The following TJP2 variants were observed in gnomAD, a reference collection of about 807,000 sequenced individuals.
The protein encoded by TJP2 is Friedreich ataxia region gene X104 (tight junction protein ZO-2).
In TJP2, 91 loss-of-function variants were observed where a neutral mutation model predicts 133.1. That is an observed-to-expected ratio of 0.68 (90% CI 0.58 to 0.81). The LOEUF (loss-of-function observed/expected upper bound fraction) is 0.81, where lower values mean the gene tolerates loss of function less well. TJP2 is among the 40% of genes least tolerant of loss of function. The pLI is 0.00. For missense variants in TJP2, 1,541 were observed against 1,565.6 expected, an observed-to-expected ratio of 0.98 and a Z score of 0.26; for synonymous variants, 592 against 583.4, an observed-to-expected ratio of 1.01 and a Z score of -0.21.
At chr9:69,226,311 G>A in intron 7 of TJP2, 136 bp downstream of exon 7, 1 of 994,552 alleles carries the variant, frequency 1.0e-6, no homozygotes, top group Non-Finnish European at 1.5e-6. Context: ...ATCTCCAAAG[G>A]TCACTGGTTG....
At chr9:69,238,940 C>T in intron 16 of TJP2, 151 bp downstream of exon 16, 3 of 730,810 alleles carry the variant, frequency 4.1e-6, no homozygotes, top group Middle Eastern at 7.3e-4. Flanking sequence ...GTAATCCCAA[C>T]ACTTTGAGAG....
intron 11 of TJP2, among the ~76,000 whole-genome samples, chr9:69,232,838 T>G (rs368519205): frequency 1.3e-5 from 2 of 152,240 alleles, no homozygotes; most frequent in East Asian, 3.8e-4. Context: ...TTTTAAAATA[T>G]AACTACCATG....
intron 1 of TJP2, among the ~76,000 whole-genome samples, chr9:69,190,250 C>G (rs1037929398): frequency 6.6e-6 from 1 of 152,196 alleles, no homozygotes; most frequent in African/African-American, 2.4e-5. Context: ...TTTTAGTTCT[C>G]TGTGTCCAAC....
At chr9:69,227,896 T>C in intron 8 of TJP2, 23 bp downstream of exon 8, 2 of 1,608,280 alleles carry the variant, frequency 1.2e-6, no homozygotes, top group Non-Finnish European at 8.5e-7. Context: ...GAATATTCTC[T>C]TGTACATGTC....
intron 1 of TJP2, among the ~76,000 whole-genome samples, chr9:69,179,445 AG>A (rs1450648947): frequency 3.3e-5 from 5 of 151,734 alleles, no homozygotes; most frequent in African/African-American, 1.2e-4. Context: ...GTTTTCCTAC[AG>A]TTACTGTATG....
intron 3 of TJP2, among the ~76,000 whole-genome samples, chr9:69,216,795 T>C (rs1828418756): frequency 6.6e-6 from 1 of 152,046 alleles, no homozygotes; most frequent in African/African-American, 2.4e-5. Flanking sequence ...ACCAACACTG[T>C]TTATGTTTGT....
intron 1 of TJP2, among the ~76,000 whole-genome samples, chr9:69,128,717 G>A (rs146126504): frequency 0.024 from 3,708 of 152,076 alleles, 161 homozygotes; most frequent in African/African-American, 0.084. Flanking sequence ...CAGTAGAGAC[G>A]GGGTTTCATC....
Position 69,174,640 on chromosome 9 carries a change from C to T in TJP2, c.60+208C>T, listed in dbSNP as rs546915220. On this transcript the variant is annotated intron_variant, in intron 1 of 22. Coordinates refer to ENST00000377245, the MANE Select transcript of TJP2 (RefSeq NM_004817.4). ...TCGTGGCCTCCGGGGCTCCTGGAACCTTTACTCTGAAGTCACTTGGGCTGG... is the reference window on the plus strand; with the variant it reads ...TCGTGGCCTCCGGGGCTCCTGGAACTTTTACTCTGAAGTCACTTGGGCTGG... Among the ~76,000 whole-genome samples, 3 of 152,304 alleles carry T rather than the reference C, an allele frequency of 2.0e-5. No individual in the cohort carries two copies. In the South Asian group the frequency reaches 6.2e-4, roughly 32 times the overall value.
chr9:69,232,962 C>T (rs896778615), intron 11 of TJP2, among the ~76,000 whole-genome samples: 1 of 152,176 alleles, frequency 6.6e-6, no homozygotes, highest in Non-Finnish European at 1.5e-5. Context: ...CCAAGGTCCT[C>T]CCACAGCCTT....
chr9:69,174,448 T>A lies in TJP2; in HGVS notation c.60+16T>A. 2 of 1,549,344 alleles carry A rather than the reference T, an allele frequency of 1.3e-6. No homozygotes were observed. The highest frequency in any genetic ancestry group is 1.7e-6 in the Non-Finnish European group (2 of 1,146,464). On this transcript the variant is annotated intron_variant, in intron 1 of 22. Coordinates refer to ENST00000377245, the MANE Select transcript of TJP2 (RefSeq NM_004817.4). ...TTGGCTCCGCGTAAGTGCCTCCTTG[T>A]GCCGCGCGGTTGGGAGGAGGGTCGT...
Position 69,228,206 on chromosome 9 carries a change from G to A in TJP2, c.1453+92G>A, listed in dbSNP as rs141609349. The A allele has an allele frequency of 1.1e-3, 1,589 of 1,462,360 alleles. 3 individuals are homozygous for A. The highest frequency in any genetic ancestry group is 1.3e-3 in the Non-Finnish European group (1,429 of 1,068,672). The allele number at this position is 1,462,360 out of a possible 1,614,324, so 90.6% of individuals were successfully genotyped here. On this transcript the variant is annotated intron_variant, in intron 9 of 22. Coordinates refer to ENST00000377245, the MANE Select transcript of TJP2 (RefSeq NM_004817.4). ...AAAGAGTGAAATCATGTCCTTTGCA[G>A]CCACGTGGATGCAGCTGGAGGCCAT...
chr9:69,228,184 G>A (rs1207159933), intron 9 of TJP2, 70 bp downstream of exon 9: 7 of 1,548,266 alleles, frequency 4.5e-6, no homozygotes, highest in African/African-American at 1.4e-5. Flanking sequence ...CCATAACAAA[G>A]AGTGAAATCA....
chr9:69,253,042 A>G (rs1035138316), intron 22 of TJP2, 142 bp downstream of exon 22: 3 of 722,130 alleles, frequency 4.2e-6, no homozygotes, highest in African/African-American at 1.8e-5. Flanking sequence ...TACTCATTCC[A>G]TCAAATTTAA....
intron 1 of TJP2, among the ~76,000 whole-genome samples, chr9:69,140,575 T>G (rs1822977127): frequency 6.6e-6 from 1 of 152,192 alleles, no homozygotes; most frequent in African/African-American, 2.4e-5. Context: ...AAGTTCCCAG[T>G]TCTGATGTGA....
intron 1 of TJP2, among the ~76,000 whole-genome samples, chr9:69,176,254 C>T (rs1244325070): frequency 6.6e-6 from 1 of 152,160 alleles, no homozygotes; most frequent in East Asian, 1.9e-4. Flanking sequence ...CCCACCTCAC[C>T]GGGCTGAGTG....
intron 11 of TJP2, among the ~76,000 whole-genome samples, chr9:69,230,957 T>G (rs1829728061): frequency 6.6e-6 from 1 of 152,174 alleles, no homozygotes; most frequent in East Asian, 1.9e-4. Context: ...TTACTATGTG[T>G]TTGTATAATC....
At chr9:69,162,979 C>T (rs1390613592) in intron 2 of TJP2, among the ~76,000 whole-genome samples, 1 of 151,972 alleles carries the variant, frequency 6.6e-6, no homozygotes, top group Non-Finnish European at 1.5e-5. Flanking sequence ...GAAAAACGTA[C>T]ACAGCATTTT....
intron 4 of TJP2, chr9:69,218,563 G>A: frequency 1.7e-6 from 1 of 600,468 alleles, no homozygotes; most frequent in Non-Finnish European, 3.0e-6. Context: ...TGAGGCCAGT[G>A]ATTCTCTGAT....
At chr9:69,219,072 C>A (rs1045351071) in intron 4 of TJP2, among the ~76,000 whole-genome samples, 1 of 151,650 alleles carries the variant, frequency 6.6e-6, no homozygotes, top group Admixed American at 6.6e-5. Flanking sequence ...TGGGTTCAAG[C>A]GATTCTCCTG....
Sources: gnomAD v4.1 joint callset for allele counts (sites outside exome capture counted in the v4.1 genomes callset) on GRCh38, gnomAD v4.1.1 for gene constraint, MANE v1.5 for transcripts, NCBI Gene and HGNC (gene_info 2026-07-23, HGNC 2026-07-21) for gene names.